The following MAF variants were observed in gnomAD, a reference collection of about 807,000 sequenced individuals.
MAF encodes transcription factor Maf.
Under a neutral mutation model 22.0 loss-of-function variants are expected in MAF, and 10 were observed. The ratio of observed to expected loss-of-function variants is 0.45; its 90% CI spans 0.28 to 0.77. The LOEUF (loss-of-function observed/expected upper bound fraction) is 0.77, where lower values mean the gene tolerates loss of function less well. MAF is among the 30% of genes least tolerant of loss of function. The pLI is 0.12. For missense variants in MAF, 544 were observed against 548.4 expected, an observed-to-expected ratio of 0.99 and a Z score of 0.08; for synonymous variants, 337 against 255.8, an observed-to-expected ratio of 1.32 and a Z score of -3.03.
the MAF span, among the ~76,000 whole-genome samples, chr16:79,576,023 C>T: frequency 2.0e-5 from 3 of 151,962 alleles, no homozygotes; most frequent in Admixed American, 2.0e-4. Flanking sequence ...GAGCCACTCC[C>T]ACTATTAATG....
chr16:79,548,583 A>G, the MAF span, among the ~76,000 whole-genome samples: 1 of 152,238 alleles, frequency 6.6e-6, no homozygotes, highest in Non-Finnish European at 1.5e-5. Context: ...ATGGCTGCAT[A>G]GATGGCATTG....
the MAF span, among the ~76,000 whole-genome samples, chr16:79,291,910 G>C: frequency 6.6e-6 from 1 of 151,022 alleles, no homozygotes; most frequent in Non-Finnish European, 1.5e-5. Context: ...TGATGTGTGG[G>C]TCACTGCAGA....
the MAF span, among the ~76,000 whole-genome samples, chr16:79,416,499 C>CAAAAAAA: frequency 3.2e-3 from 454 of 140,008 alleles, 5 homozygotes; most frequent in African/African-American, 0.011. Flanking sequence ...GGTTAAATTG[C>CAAAAAAA]AAAAAAAAAA....
At chr16:79,598,279 A>T (rs1913690387) in intron 1 of MAF, 1 of 1,069,054 alleles carries the variant, frequency 9.4e-7, no homozygotes, top group South Asian at 4.3e-5. Context: ...AAAAAAATCC[A>T]AACAAAATAA....
the MAF span, among the ~76,000 whole-genome samples, chr16:79,392,171 G>GGAAGAAGGAAGA: frequency 6.8e-6 from 1 of 146,044 alleles, no homozygotes; most frequent in African/African-American, 2.5e-5. Context: ...AAGGAGAGAG[G>GGAAGAAGGAAGA]GAAGAAGGAA....
the MAF span, among the ~76,000 whole-genome samples, chr16:79,496,908 T>C: frequency 6.6e-6 from 1 of 152,218 alleles, no homozygotes; most frequent in African/African-American, 2.4e-5. Flanking sequence ...CAAGTTACAA[T>C]TTAAGGTTCT....
the MAF span, among the ~76,000 whole-genome samples, chr16:79,355,034 G>T: frequency 6.6e-6 from 1 of 152,218 alleles, no homozygotes; most frequent in South Asian, 2.1e-4. Context: ...ACCCAAGTTG[G>T]CTCAAATGTA....
chr16:79,405,860 G>C, the MAF span, among the ~76,000 whole-genome samples: 20,963 of 152,126 alleles, frequency 0.14, 1,624 homozygotes, highest in South Asian at 0.26. Context: ...GATGCCACCC[G>C]TCAACCATCT....
chr16:79,398,374 T>A, the MAF span, among the ~76,000 whole-genome samples: 9 of 152,200 alleles, frequency 5.9e-5, no homozygotes, highest in Non-Finnish European at 1.0e-4. Flanking sequence ...TCCTGTGACA[T>A]ATTCATTAAC....
At chr16:79,214,156 T>G in the MAF span, among the ~76,000 whole-genome samples, 30 of 152,284 alleles carry the variant, frequency 2.0e-4, no homozygotes, top group African/African-American at 7.2e-4. Context: ...CTTATTCCCC[T>G]TCCCCTCTAT....
At chr16:79,572,486 G>T in the MAF span, among the ~76,000 whole-genome samples, 2 of 152,156 alleles carry the variant, frequency 1.3e-5, no homozygotes, top group Non-Finnish European at 2.9e-5. Flanking sequence ...ACGCACATAC[G>T]TCTCTTTTAT....
chr16:79,206,555 C>G, the MAF span: 2 of 152,202 alleles, frequency 1.3e-5, no homozygotes, highest in Non-Finnish European at 2.9e-5. Flanking sequence ...AAATCGTAAC[C>G]TCTCAATAAA....
the MAF span, among the ~76,000 whole-genome samples, chr16:79,341,253 G>A: frequency 2.0e-5 from 3 of 152,208 alleles, no homozygotes; most frequent in East Asian, 1.9e-4. Context: ...GGAGCCAGAT[G>A]CCCTGTACCT....
At chr16:79,287,746 C>G in the MAF span, among the ~76,000 whole-genome samples, 2 of 152,224 alleles carry the variant, frequency 1.3e-5, no homozygotes, top group African/African-American at 2.4e-5. Flanking sequence ...TTCACTCATT[C>G]TTTCATTCAC....
At chr16:79,325,386 C>G in the MAF span, among the ~76,000 whole-genome samples, 2,546 of 152,238 alleles carry the variant, frequency 0.017, 18 homozygotes, top group Middle Eastern at 0.044. Flanking sequence ...TCATGGAACC[C>G]TTACTACAGC....
the MAF span, among the ~76,000 whole-genome samples, chr16:79,422,330 G>A: frequency 2.0e-5 from 3 of 152,150 alleles, no homozygotes; most frequent in African/African-American, 7.2e-5. Flanking sequence ...TTTCTGCACG[G>A]GCCAGAGGTT....
the MAF span, among the ~76,000 whole-genome samples, chr16:79,543,665 C>CTTTTTT: frequency 6.7e-6 from 1 of 149,964 alleles, no homozygotes; most frequent in Non-Finnish European, 1.5e-5. Flanking sequence ...TCCAGGCCCT[C>CTTTTTT]TTTTCTTTTT....
chr16:79,210,132 G>A, the MAF span, among the ~76,000 whole-genome samples: 1 of 152,092 alleles, frequency 6.6e-6, no homozygotes, highest in African/African-American at 2.4e-5. Context: ...CTCACTCACG[G>A]TCCACACCCC....
the MAF span, among the ~76,000 whole-genome samples, chr16:79,227,924 G>C: frequency 8.6e-5 from 13 of 152,046 alleles, no homozygotes; most frequent in African/African-American, 3.1e-4. Context: ...AAATCTTTGA[G>C]ACAGGGTCTT....
Sources: gnomAD v4.1 joint callset for allele counts (sites outside exome capture counted in the v4.1 genomes callset) on GRCh38, gnomAD v4.1.1 for gene constraint, MANE v1.5 for transcripts, NCBI Gene and HGNC (gene_info 2026-07-23, HGNC 2026-07-21) for gene names.